Variants in BEND7 observed in about 807,000 individuals in gnomAD.
BEND7 encodes the protein BEN domain containing 7.
A neutral mutation model predicts 50.9 loss-of-function variants in BEND7; 28 were observed. The observed-to-expected ratio is 0.55, with a 90% CI of 0.41 to 0.75. The LOEUF (loss-of-function observed/expected upper bound fraction) is 0.75. BEND7 is among the 30% of genes least tolerant of loss of function. The pLI, the probability that BEND7 is intolerant of heterozygous loss-of-function variation, is 0.00. For synonymous variants in BEND7, 170 were observed against 183.9 expected (o/e 0.92, Z 0.61); for missense variants, 477 against 491.3 (o/e 0.97, Z 0.28).
Position 13,441,279 on chromosome 10 carries a change from C to T in BEND7, c.*464G>A. 1 of 935,426 alleles carries T rather than the reference C, an allele frequency of 1.1e-6. No homozygotes were observed. The highest frequency in any genetic ancestry group is 1.3e-6 in the Non-Finnish European group (1 of 784,474). The allele number at this position is 935,426 out of a possible 1,614,324, so 57.9% of individuals were successfully genotyped here. A position where few individuals can be genotyped will look rare whatever the true frequency, so the allele number is the denominator to read the frequency against. On this transcript the variant is annotated 3_prime_UTR_variant, in exon 9 of 9. Transcript: ENST00000466271. Reference sequence around the variant, plus strand: ...AAAACATATATACAGAAGATTGAGACATTATCCATAGATATGGATTTTTTT... The same window carrying T: ...AAAACATATATACAGAAGATTGAGATATTATCCATAGATATGGATTTTTTT...
downstream of BEND7, among the ~76,000 whole-genome samples, chr10:13,440,639 C>G (rs1436798416): frequency 1.3e-5 from 2 of 152,218 alleles, no homozygotes; most frequent in South Asian, 2.1e-4. Context: ...GGCAGGTGCC[C>G]GGCGAGGAGT....
At chr10:13,466,228 ATTT>A (rs376860540) in intron 6 of BEND7, among the ~76,000 whole-genome samples, 21 of 140,556 alleles carry the variant, frequency 1.5e-4, no homozygotes, top group African/African-American at 4.7e-4. Flanking sequence ...CGTTGAATCC[ATTT>A]TTTTTTTTTT....
At chr10:13,461,051 C>A (rs1379113476) in intron 6 of BEND7, among the ~76,000 whole-genome samples, 1 of 152,104 alleles carries the variant, frequency 6.6e-6, no homozygotes, top group African/African-American at 2.4e-5. Context: ...CCAAGGGGCA[C>A]CTCACCCATT....
intron 1 of BEND7, among the ~76,000 whole-genome samples, chr10:13,527,036 CTGGCCT>C (rs1380001287): frequency 6.6e-6 from 1 of 152,218 alleles, no homozygotes; most frequent in Non-Finnish European, 1.5e-5. Context: ...TCCCCTTTCT[CTGGCCT>C]TAGACCTCAC....
chr10:13,498,201 A>G (rs1490313693), intron 3 of BEND7, among the ~76,000 whole-genome samples: 1 of 148,910 alleles, frequency 6.7e-6, no homozygotes, highest in Non-Finnish European at 1.5e-5. Context: ...TCAGCCCCCC[A>G]AGTAGCTGGG....
intron 6 of BEND7, among the ~76,000 whole-genome samples, chr10:13,466,386 CCT>C (rs1343853691): frequency 6.6e-6 from 1 of 152,034 alleles, no homozygotes; most frequent in African/African-American, 2.4e-5. Flanking sequence ...ATGCCGAAAC[CCT>C]GTCTCTATTA....
intron 3 of BEND7, among the ~76,000 whole-genome samples, chr10:13,497,613 C>T (rs1373006103): frequency 2.0e-5 from 3 of 152,148 alleles, no homozygotes; most frequent in Admixed American, 1.3e-4. Flanking sequence ...AAATTTAATG[C>T]CTTTTCCTTG....
At chr10:13,441,048 A>C (rs908422428), downstream of BEND7, 17 of 956,048 alleles carry the variant, frequency 1.8e-5, no homozygotes, top group African/African-American at 2.8e-4. Flanking sequence ...CTCTTCATAA[A>C]CACAGGAAGA....
At chr10:13,455,027 C>G (rs1378379978) in intron 6 of BEND7, among the ~76,000 whole-genome samples, 1 of 152,098 alleles carries the variant, frequency 6.6e-6, no homozygotes, top group Non-Finnish European at 1.5e-5. Context: ...AAAACATTAG[C>G]CGGGCATGGT....
chr10:13,454,398 G>A (rs1838461226), intron 6 of BEND7, among the ~76,000 whole-genome samples: 1 of 152,132 alleles, frequency 6.6e-6, no homozygotes, highest in Non-Finnish European at 1.5e-5. Flanking sequence ...CTTGAGACCA[G>A]GAGTTTGAGA....
intron 6 of BEND7, among the ~76,000 whole-genome samples, chr10:13,466,771 T>A (rs2074289459): frequency 6.6e-6 from 1 of 152,164 alleles, no homozygotes; most frequent in South Asian, 2.1e-4. Context: ...GTTCTTTAGA[T>A]AAATGAATGA....
intron 8 of BEND7, chr10:13,445,660 T>C (rs995081762): frequency 6.6e-6 from 1 of 152,252 alleles, no homozygotes; most frequent in African/African-American, 2.4e-5. Context: ...TTCAGTTCCA[T>C]GAGGCTCTTC....
intron 5 of BEND7, among the ~76,000 whole-genome samples, chr10:13,482,721 T>A (rs1393705714): frequency 1.3e-5 from 2 of 152,198 alleles, no homozygotes; most frequent in Non-Finnish European, 2.9e-5. Context: ...TTGGTGAATA[T>A]CACCATACAC....
chr10:13,519,254 C>T (rs531274916), intron 2 of BEND7, among the ~76,000 whole-genome samples: 8 of 152,198 alleles, frequency 5.3e-5, no homozygotes, highest in East Asian at 1.9e-4. Flanking sequence ...AGGTGGATCA[C>T]GAGGTCAGGA....
chr10:13,499,875 C>CCA lies in BEND7; in HGVS notation c.349_350dup (p.Trp117CysfsTer40), dbSNP rs1301180782. On this transcript the variant is annotated frameshift_variant, in exon 3 of 9. Coordinates refer to ENST00000466271, the MANE Select transcript of BEND7 (RefSeq NM_001369863.1). LOFTEE classifies it high-confidence loss of function. ...GTCCACTCTGGGGCGGTAGCTCATT[C>CCA]CACACACCACGTGAAGACGGGTGGA... The CCA allele has an allele frequency of 6.2e-7, 1 of 1,614,028 alleles. No homozygotes were observed. Among genetic ancestry groups the CCA allele is most frequent in the Non-Finnish European group, 8.5e-7 (1 of 1,180,042 alleles).
intron 6 of BEND7, among the ~76,000 whole-genome samples, chr10:13,468,876 T>G (rs2074518601): frequency 6.6e-6 from 1 of 152,248 alleles, no homozygotes; most frequent in Non-Finnish European, 1.5e-5. Context: ...GTATCAGGGT[T>G]AGGTGGCCCA....
In BEND7 at chr10:13,526,162, T is replaced by C. The variant is rs1444329225; in HGVS notation, c.121A>G (p.Lys41Glu). Reference sequence around the variant, plus strand: ...CCTAAAAAAATGGGCTGTGTCTCTTTGGCCTCCCCATTAACATCGTTGCTG... The same window carrying C: ...CCTAAAAAAATGGGCTGTGTCTCTTCGGCCTCCCCATTAACATCGTTGCTG... ...EFSNDVNGEA[K>E]ETQPIFLGDE... The change falls in exon 2 of 9, where the codon AAA (lysine) becomes GAA (glutamate). Residue 41 changes from lysine (K) to glutamate (E), a missense_variant. Around this residue, in one of 3 missense-constraint regions of BEND7, gnomAD observed 396 missense variants for 384.2 expected, o/e 1.03. Coordinates refer to ENST00000466271, the MANE Select transcript of BEND7 (RefSeq NM_001369863.1). 1 of 1,289,408 alleles carries C rather than the reference T, an allele frequency of 7.8e-7. No homozygotes were observed. Among genetic ancestry groups the C allele is most frequent in the East Asian group, 5.6e-5 (1 of 18,018 alleles). The allele number at this position is 1,289,408 out of a possible 1,614,324, so 79.9% of individuals were successfully genotyped here. A position where few individuals can be genotyped will look rare whatever the true frequency, so the allele number is the denominator to read the frequency against.
intron 7 of BEND7, among the ~76,000 whole-genome samples, chr10:13,452,258 G>A (rs1837916243): frequency 1.3e-5 from 2 of 152,026 alleles, no homozygotes; most frequent in Admixed American, 6.5e-5. Flanking sequence ...AGAGAGAACC[G>A]GTTTTCATAT....
downstream of BEND7, chr10:13,438,570 G>A (rs1046734353): frequency 6.6e-6 from 1 of 152,198 alleles, no homozygotes; most frequent in Admixed American, 6.5e-5. Context: ...ACTTTCGGGG[G>A]GATAATCAAT....
Sources: allele counts gnomAD v4.1 joint callset (sites outside exome capture counted in the v4.1 genomes callset), GRCh38; gene constraint gnomAD v4.1.1; regional missense constraint gnomAD v4.1.1; transcripts MANE v1.5; gene names NCBI Gene and HGNC (gene_info 2026-07-23, HGNC 2026-07-21).